Variants in NRG3 observed in about 807,000 individuals in gnomAD.
NRG3 encodes the protein neuregulin 3.
Under a neutral mutation model 66.9 loss-of-function variants are expected in NRG3, and 31 were observed. The observed-to-expected ratio is 0.46, with a 90% CI of 0.35 to 0.63. The LOEUF (loss-of-function observed/expected upper bound fraction) is 0.63. NRG3 is among the 20% of genes least tolerant of loss of function. The pLI is 0.00. For synonymous variants in NRG3, 393 were observed against 359.4 expected (o/e 1.09, Z -1.06); for missense variants, 910 against 878.9 (o/e 1.04, Z -0.45).
chr10:82,797,211 T>G (rs1591552661), intron 3 of NRG3, among the ~76,000 whole-genome samples: 1 of 152,194 alleles, frequency 6.6e-6, no homozygotes, highest in African/African-American at 2.4e-5. Flanking sequence ...CAGCTACTGC[T>G]TCCTGCTCTA....
chr10:82,344,426 G>T (rs1234515233), intron 1 of NRG3, among the ~76,000 whole-genome samples: 1 of 149,458 alleles, frequency 6.7e-6, no homozygotes, highest in Non-Finnish European at 1.5e-5. Flanking sequence ...GTATTCCATG[G>T]TGTATATGTG....
intron 3 of NRG3, among the ~76,000 whole-genome samples, chr10:82,742,370 C>A (rs79741681): frequency 0.022 from 3,365 of 152,148 alleles, 120 homozygotes; most frequent in African/African-American, 0.075. Context: ...CAGACTGTTT[C>A]AAAAACTCAT....
intron 1 of NRG3, among the ~76,000 whole-genome samples, chr10:82,259,924 C>A (rs1399488011): frequency 3.5e-5 from 5 of 144,194 alleles, no homozygotes; most frequent in African/African-American, 1.1e-4. Flanking sequence ...AGGGCAAGAC[C>A]TTGTCTCTAT....
At chr10:82,085,803 A>AT (rs1480725970) in intron 1 of NRG3, among the ~76,000 whole-genome samples, 1 of 151,830 alleles carries the variant, frequency 6.6e-6, no homozygotes, top group Non-Finnish European at 1.5e-5. Context: ...GGCCCGGCTA[A>AT]TTTTTTTGTA....
intron 2 of NRG3, among the ~76,000 whole-genome samples, chr10:82,376,747 T>A (rs2085266948): frequency 6.6e-6 from 1 of 152,222 alleles, no homozygotes; most frequent in Admixed American, 6.5e-5. Flanking sequence ...AGTAAGGTTT[T>A]CCATGGCTGC....
At chr10:82,150,631 G>A (rs1440581813) in intron 1 of NRG3, among the ~76,000 whole-genome samples, 1 of 151,704 alleles carries the variant, frequency 6.6e-6, no homozygotes, top group African/African-American at 2.4e-5. Context: ...GCTGCTAGAG[G>A]TTGACTCTTG....
chr10:82,594,186 G>A (rs1221828848), intron 2 of NRG3, among the ~76,000 whole-genome samples: 1 of 152,132 alleles, frequency 6.6e-6, no homozygotes, highest in Non-Finnish European at 1.5e-5. Context: ...ATACAAAGGA[G>A]ATATGTAGTC....
At chr10:82,194,551 T>A (rs1295886507) in intron 1 of NRG3, among the ~76,000 whole-genome samples, 2 of 152,002 alleles carry the variant, frequency 1.3e-5, no homozygotes, top group Non-Finnish European at 2.9e-5. Context: ...AAGGTCAGTA[T>A]GTGACAGTAG....
At chr10:82,022,678 AG>A (rs2062115769) in intron 1 of NRG3, among the ~76,000 whole-genome samples, 1 of 152,080 alleles carries the variant, frequency 6.6e-6, no homozygotes, top group Non-Finnish European at 1.5e-5. Context: ...ACTATGCCTT[AG>A]ATCTGCATTG....
At chr10:82,204,204 A>C (rs997618861) in intron 1 of NRG3, among the ~76,000 whole-genome samples, 1 of 152,222 alleles carries the variant, frequency 6.6e-6, no homozygotes, top group Non-Finnish European at 1.5e-5. Context: ...CAGGATATAA[A>C]GATATACATT....
chr10:82,293,380 C>G (rs12219117), intron 1 of NRG3, among the ~76,000 whole-genome samples: 2 of 152,112 alleles, frequency 1.3e-5, no homozygotes, highest in Non-Finnish European at 2.9e-5. Context: ...ATCTCTAGAG[C>G]AAGCCTAGAG....
At chr10:82,295,495 G>A (rs932178452) in intron 1 of NRG3, among the ~76,000 whole-genome samples, 4 of 152,076 alleles carry the variant, frequency 2.6e-5, no homozygotes, top group Non-Finnish European at 5.9e-5. Flanking sequence ...GTAAAGTGAA[G>A]AATCATAAAC....
At chr10:82,534,350 G>T (rs892200468) in intron 2 of NRG3, among the ~76,000 whole-genome samples, 2 of 151,336 alleles carry the variant, frequency 1.3e-5, no homozygotes, top group African/African-American at 4.9e-5. Flanking sequence ...TGCAACCTCC[G>T]CGCTCCCGGG....
chr10:81,919,660 G>T (rs956353792), intron 1 of NRG3, among the ~76,000 whole-genome samples: 5 of 152,098 alleles, frequency 3.3e-5, no homozygotes, highest in Non-Finnish European at 7.4e-5. Flanking sequence ...GCAAATGACA[G>T]GTTCCCCCAA....
chr10:81,985,958 T>G (rs537083038), intron 1 of NRG3, among the ~76,000 whole-genome samples: 2 of 152,338 alleles, frequency 1.3e-5, no homozygotes, highest in East Asian at 1.9e-4. Context: ...TAAGTCACAG[T>G]GCCAGAGAGC....
At chr10:82,069,366 G>A (rs751362112) in intron 1 of NRG3, among the ~76,000 whole-genome samples, 3 of 152,270 alleles carry the variant, frequency 2.0e-5, no homozygotes, top group Admixed American at 6.5e-5. Context: ...GTGAGGTGGC[G>A]CCTGGTTTCT....
At chr10:82,956,416 G>C (rs558143691) in intron 5 of NRG3, among the ~76,000 whole-genome samples, 30 of 151,996 alleles carry the variant, frequency 2.0e-4, no homozygotes, top group Non-Finnish European at 4.1e-4. Context: ...GAGCAAAAAA[G>C]TGTGTGCTTG....
intron 2 of NRG3, among the ~76,000 whole-genome samples, chr10:82,479,603 G>A (rs1224287875): frequency 1.4e-5 from 2 of 146,368 alleles, no homozygotes; most frequent in African/African-American, 2.5e-5. Flanking sequence ...GGCAGAGGTT[G>A]CGGTGAGCCG....
At chr10:82,299,797 C>T (rs868023785) in intron 1 of NRG3, among the ~76,000 whole-genome samples, 26 of 152,216 alleles carry the variant, frequency 1.7e-4, no homozygotes, top group South Asian at 1.0e-3. Flanking sequence ...ACGAGAAGCA[C>T]TCAATGAGAG....
Sources: allele counts gnomAD v4.1 joint callset (sites outside exome capture counted in the v4.1 genomes callset), GRCh38; gene constraint gnomAD v4.1.1; transcripts MANE v1.5; gene names NCBI Gene and HGNC (gene_info 2026-07-23, HGNC 2026-07-21).